Variants in UHRF2 observed in about 807,000 individuals in gnomAD.
UHRF2 encodes E3 ubiquitin-protein ligase UHRF2.
UHRF2 carries 23 observed loss-of-function variants against 96.8 expected under a neutral mutation model. That is an observed-to-expected ratio of 0.24 (90% CI 0.17 to 0.34). The LOEUF (loss-of-function observed/expected upper bound fraction) is 0.34. UHRF2 is among the 10% of genes least tolerant of loss of function. UHRF2 has a pLI of 1.00. For synonymous variants in UHRF2, 385 were observed against 332.6 expected (o/e 1.16, Z -1.72); for missense variants, 685 against 981.5 (o/e 0.70, Z 4.04).
chr9:6,439,572 A>G (rs1821039395), intron 3 of UHRF2, among the ~76,000 whole-genome samples: 1 of 152,236 alleles, frequency 6.6e-6, no homozygotes, highest in Non-Finnish European at 1.5e-5. Context: ...TCATGTACAA[A>G]GTAGATAGAT....
intron 3 of UHRF2, among the ~76,000 whole-genome samples, chr9:6,437,069 G>A (rs1388471860): frequency 6.6e-6 from 1 of 152,118 alleles, no homozygotes; most frequent in Non-Finnish European, 1.5e-5. Flanking sequence ...GTGATACAAA[G>A]CATGTTAAAG....
At chr9:6,420,780 A>G in intron 1 of UHRF2, 132 bp from the exon 2 acceptor site, 1 of 674,814 alleles carries the variant, frequency 1.5e-6, no homozygotes, top group Non-Finnish European at 2.6e-6. Flanking sequence ...GCCATTAAGT[A>G]TTAAGAATGG....
At chr9:6,482,746 G>A (rs1450243406) in intron 8 of UHRF2, among the ~76,000 whole-genome samples, 1 of 151,972 alleles carries the variant, frequency 6.6e-6, no homozygotes, top group Non-Finnish European at 1.5e-5. Flanking sequence ...ACAGGCGCCT[G>A]CCACCACGCC....
intron 3 of UHRF2, among the ~76,000 whole-genome samples, chr9:6,458,071 CA>C (rs1185116781): frequency 6.6e-6 from 1 of 152,120 alleles, no homozygotes; most frequent in Non-Finnish European, 1.5e-5. Flanking sequence ...GGAATAGTTT[CA>C]GAAGAAATGG....
In UHRF2 at chr9:6,461,664, G is replaced by A. The variant is rs147626053; in HGVS notation, c.863+873G>A. Reference sequence around the variant, plus strand: ...TGGGATTACAGGTATGAGCCACTGCGCCCAGCTTTCTATCATTAATTTTTT... The same window carrying A: ...TGGGATTACAGGTATGAGCCACTGCACCCAGCTTTCTATCATTAATTTTTT... On this transcript the variant is annotated intron_variant, in intron 4 of 15. Transcript: ENST00000276893. Among the ~76,000 whole-genome samples the A allele has an allele frequency of 6.1e-3, 931 of 151,844 alleles. 2 individuals are homozygous for A. Among genetic ancestry groups the A allele is most frequent in the Middle Eastern group, 0.01 (3 of 294 alleles).
chr9:6,416,186 C>A (rs1171743942), intron 1 of UHRF2, among the ~76,000 whole-genome samples: 1 of 152,136 alleles, frequency 6.6e-6, no homozygotes, highest in African/African-American at 2.4e-5. Flanking sequence ...GCCGCAGTCT[C>A]CCAAGTAGCT....
chr9:6,482,817 C>G (rs1033485715), intron 8 of UHRF2, among the ~76,000 whole-genome samples: 1 of 152,074 alleles, frequency 6.6e-6, no homozygotes, highest in Non-Finnish European at 1.5e-5. Flanking sequence ...AGGATGGTCT[C>G]GATCTCCTAA....
intron 2 of UHRF2, among the ~76,000 whole-genome samples, chr9:6,428,688 T>C (rs530004048): frequency 1.3e-5 from 2 of 152,058 alleles, no homozygotes; most frequent in African/African-American, 4.8e-5. Flanking sequence ...TAACCGGGAC[T>C]ACAGGTCTGT....
At chr9:6,428,262 G>A (rs952504828) in intron 2 of UHRF2, among the ~76,000 whole-genome samples, 1 of 152,058 alleles carries the variant, frequency 6.6e-6, no homozygotes, top group Non-Finnish European at 1.5e-5. Flanking sequence ...CAAAGAGCAC[G>A]ATCACTGTCT....
chr9:6,487,116 A>C (rs1263971525), intron 9 of UHRF2, among the ~76,000 whole-genome samples, 191 bp downstream of exon 9: 1 of 148,126 alleles, frequency 6.8e-6, no homozygotes, highest in Non-Finnish European at 1.5e-5. Context: ...GGTTTGACTT[A>C]TATGTGTTTG....
chr9:6,461,429 G>T (rs1046715414), intron 4 of UHRF2, among the ~76,000 whole-genome samples: 2 of 135,988 alleles, frequency 1.5e-5, no homozygotes, highest in Non-Finnish European at 3.0e-5. Context: ...CTGGAGTGCA[G>T]CGGCATGATC....
At chr9:6,439,209 C>T (rs543014525) in intron 3 of UHRF2, among the ~76,000 whole-genome samples, 2 of 152,174 alleles carry the variant, frequency 1.3e-5, no homozygotes, top group Non-Finnish European at 2.9e-5. Context: ...TTCTTTGAGA[C>T]AGCCCTGCTC....
At position 6,482,425 on chromosome 9, in the gene UHRF2, C is replaced by G. The variant is rs540135614; in HGVS notation, c.1392+326C>G. Among the ~76,000 whole-genome samples the G allele has an allele frequency of 2.0e-5, 3 of 152,244 alleles. No homozygotes were observed. The East Asian group carries it at 5.8e-4, about 29-fold the overall frequency. ...TTAAACTTGAATCATGTGGCAAATT[C>G]TCATTGAATGTCGTGGAACTCTAAG... is the stretch of plus-strand genomic sequence containing the variant. On this transcript the variant is annotated intron_variant, in intron 8 of 15. Transcript: ENST00000276893.
chr9:6,493,747 A>G, intron 9 of UHRF2, 79 bp from the exon 10 acceptor site: 2 of 1,248,688 alleles, frequency 1.6e-6, no homozygotes, highest in South Asian at 1.5e-5. Context: ...TCCTAATGAA[A>G]TGTTTTGACT....
intron 3 of UHRF2, among the ~76,000 whole-genome samples, chr9:6,444,872 G>C (rs1431842268): frequency 6.6e-6 from 1 of 152,074 alleles, no homozygotes; most frequent in Non-Finnish European, 1.5e-5. Flanking sequence ...AAAGTGCTGG[G>C]ATTACAGGCA....
At chr9:6,502,694 G>A (rs897296028) in intron 14 of UHRF2, among the ~76,000 whole-genome samples, 4 of 152,184 alleles carry the variant, frequency 2.6e-5, no homozygotes, top group African/African-American at 9.7e-5. Flanking sequence ...GTAGATGAGT[G>A]CCTAGCACAT....
At chr9:6,427,408 C>T (rs898299769) in intron 2 of UHRF2, among the ~76,000 whole-genome samples, 26 of 152,220 alleles carry the variant, frequency 1.7e-4, no homozygotes, top group African/African-American at 6.3e-4. Flanking sequence ...AATTTTAGGC[C>T]AGGCACAGTG....
intron 6 of UHRF2, among the ~76,000 whole-genome samples, chr9:6,481,240 A>G (rs1292983926): frequency 6.6e-6 from 1 of 152,220 alleles, no homozygotes; most frequent in African/African-American, 2.4e-5. Context: ...TTCTCTGGGA[A>G]TTCTAATAAC....
chr9:6,495,164 T>G (rs1482668869), intron 10 of UHRF2: 1 of 152,232 alleles, frequency 6.6e-6, no homozygotes, highest in African/African-American at 2.4e-5. Context: ...GGAACTTCCT[T>G]CATAACTACC....
Sources: gnomAD v4.1 joint callset for allele counts (sites outside exome capture counted in the v4.1 genomes callset) on GRCh38, gnomAD v4.1.1 for gene constraint, MANE v1.5 for transcripts, NCBI Gene and HGNC (gene_info 2026-07-23, HGNC 2026-07-21) for gene names.